ENTR1: variants seen among roughly 807,000 people sequenced by gnomAD.
The protein encoded by ENTR1 is endosome-associated-trafficking regulator 1.
Under a neutral mutation model 47.9 loss-of-function variants are expected in ENTR1, and 47 were observed. That is an observed-to-expected ratio of 0.98 (90% CI 0.78 to 1.25). The LOEUF (loss-of-function observed/expected upper bound fraction) is 1.25, where lower values mean the gene tolerates loss of function less well. Ranked by LOEUF, ENTR1 falls within the 50% of genes most tolerant of loss-of-function variation. The pLI, the probability that ENTR1 is intolerant of heterozygous loss-of-function variation, is 0.00. For synonymous variants in ENTR1, 290 were observed against 245.8 expected, an observed-to-expected ratio of 1.18 and a Z score of -1.68; for missense variants, 668 against 570.5, an observed-to-expected ratio of 1.17 and a Z score of -1.74.
intron 7 of ENTR1, 176 bp downstream of exon 7, chr9:136,404,915 C>T (rs1412740689): frequency 7.4e-6 from 5 of 671,954 alleles, no homozygotes; most frequent in Admixed American, 2.6e-5. Context: ...CGGATGCCCT[C>T]GTGGGCCAGC....
At chr9:136,404,539 A>T in intron 8 of ENTR1, 92 bp downstream of exon 8, 1 of 1,365,954 alleles carries the variant, frequency 7.3e-7, no homozygotes. Context: ...CTCAGGGGAA[A>T]CCCCAGCAGA....
At chr9:136,404,282 G>C in intron 8 of ENTR1, 88 bp from the exon 9 acceptor site, 2 of 1,513,966 alleles carry the variant, frequency 1.3e-6, no homozygotes, top group East Asian at 2.3e-5. Flanking sequence ...GCTTACCCGT[G>C]GGGGCCTGGC....
intron 7 of ENTR1, 162 bp from the exon 8 acceptor site, chr9:136,404,855 C>G: frequency 4.2e-6 from 3 of 716,238 alleles, no homozygotes; most frequent in South Asian, 3.5e-5. Flanking sequence ...CAGACCACCC[C>G]TGGGAAGGGC....
rs760167492 is a variant in ENTR1 at position 136,410,081 on chromosome 9, G to C, written c.220+9C>G. 2 of 1,612,414 alleles carry C rather than the reference G, an allele frequency of 1.2e-6. No individual in the cohort carries two copies. The highest frequency in any genetic ancestry group is 1.7e-6 in the Non-Finnish European group (2 of 1,179,892). ...AAGCGTCCCCGGGGCCGGCGCCCTC[G>C]TCTCTCACCTGTGTCTCCCACGGAA... is the stretch of plus-strand genomic sequence containing the variant. On this transcript the variant is annotated intron_variant, in intron 2 of 9. Coordinates refer to ENST00000357365, the MANE Select transcript of ENTR1 (RefSeq NM_001039707.2).
In ENTR1 at chr9:136,410,318, C is replaced by A. The variant is rs549374697; in HGVS notation, c.70+10G>T. 271 of 1,548,374 alleles carry A rather than the reference C, an allele frequency of 1.8e-4. 3 individuals carry two copies. In the South Asian group the frequency reaches 3.1e-3, roughly 18 times the overall value. On this transcript the variant is annotated intron_variant, in intron 1 of 9. Coordinates refer to ENST00000357365, the MANE Select transcript of ENTR1 (RefSeq NM_001039707.2). The stretch of plus-strand genomic sequence containing the variant: ...CCTGGACCGCTGGACTCGGCCCCTG[C>A]CCCGCTCACCGTCGGGAATGGCGAG...
Position 136,410,319 on chromosome 9 carries a change from C to T in ENTR1, c.70+9G>A. The T allele has an allele frequency of 4.5e-6, 7 of 1,548,452 alleles. No individual in the cohort carries two copies. Among genetic ancestry groups the T allele is most frequent in the South Asian group, 1.2e-5 (1 of 83,994 alleles). On this transcript the variant is annotated intron_variant, in intron 1 of 9. Coordinates refer to ENST00000357365, the MANE Select transcript of ENTR1 (RefSeq NM_001039707.2). ...CTGGACCGCTGGACTCGGCCCCTGC[C>T]CCGCTCACCGTCGGGAATGGCGAGG... is the stretch of plus-strand genomic sequence containing the variant.
chr9:136,401,984 G>A lies in ENTR1; in HGVS notation c.*804C>T, dbSNP rs1834508815. The A allele has an allele frequency of 6.6e-6, 1 of 152,444 alleles. No individual in the cohort carries two copies. Among genetic ancestry groups the A allele is most frequent in the East Asian group, 1.9e-4 (1 of 5,284 alleles). The allele number at this position is 152,444 out of a possible 1,614,324, so 9.4% of individuals were successfully genotyped here. On this transcript the variant is annotated 3_prime_UTR_variant, in exon 10 of 10. Transcript: ENST00000357365. ...TCAATTGGAACAGGAGGAAAAAAAA[G>A]TTTTAAAAAAAATCTATAGGAAAAT...
intron 8 of ENTR1, 133 bp from the exon 9 acceptor site, chr9:136,404,327 C>A (rs1238792200): frequency 4.0e-6 from 5 of 1,246,356 alleles, no homozygotes; most frequent in Non-Finnish European, 4.5e-6. Context: ...ACTGGGGGCT[C>A]GCCTCTGGGA....
At chr9:136,403,440 T>C (rs13300907) in intron 9 of ENTR1, among the ~76,000 whole-genome samples, 2 of 24,962 alleles carry the variant, frequency 8.0e-5, no homozygotes, top group Non-Finnish European at 1.4e-4. Context: ...ACAGGGTTCC[T>C]GGGAGCAAGG....
chr9:136,407,777 G>T, intron 4 of ENTR1, 49 bp downstream of exon 4: 2 of 1,475,610 alleles, frequency 1.4e-6, no homozygotes, highest in Non-Finnish European at 9.5e-7. Context: ...TGCAGAGGCC[G>T]GAACAGAAAC....
chr9:136,405,091 G>A lies in ENTR1; in HGVS notation c.1005C>T (p.Thr335=), dbSNP rs200389785. The stretch of plus-strand genomic sequence containing the variant: ...TCCGATTCAGAGAAGAAACCCATAC[G>A]GTCATCAGCTCCAGGTTCTGCTCCA... ...QQVEQNLELM[T]KRAVKAENHV... Residue 335 remains threonine, a splice_region_variant and synonymous_variant, in exon 7 of 10, where the codon ACC becomes ACT. Transcript: ENST00000357365. 3.9e-5 allele frequency: 63 copies of A among 1,611,166 alleles called. No individual in the cohort carries two copies. The African/African-American group carries it at 7.7e-4, about 20-fold the overall frequency.
In ENTR1 at chr9:136,410,119, C is replaced by A. The variant is rs201632562; in HGVS notation, c.191G>T (p.Ser64Ile). The A allele has an allele frequency of 6.2e-7, 1 of 1,612,878 alleles. No homozygotes were observed. Among genetic ancestry groups the A allele is most frequent in the Admixed American group, 1.7e-5 (1 of 60,016 alleles). ...GTCTCCCACGGAAGCCAGCACCGGG[C>A]TGGGCACATAGCACATAAAGGCCGG... ...IRPAFMCYVP[S>I]PVLASVGDTD... The change falls in exon 2 of 10, where the codon AGC becomes ATC. Residue 64 changes from serine to isoleucine, a missense_variant. Physicochemically the swap from Ser to Ile is moderately radical, Grantham distance 142. Coordinates refer to ENST00000357365, the MANE Select transcript of ENTR1 (RefSeq NM_001039707.2).
intron 2 of ENTR1, 148 bp downstream of exon 2, chr9:136,409,942 G>T (rs752436680): frequency 3.2e-6 from 3 of 951,320 alleles, no homozygotes; most frequent in South Asian, 1.4e-5. Context: ...TCCTAGCAGG[G>T]GACTCCGCCT....
intron 6 of ENTR1, 51 bp from the exon 7 acceptor site, chr9:136,405,253 G>GA (rs1275792090): frequency 7.0e-7 from 1 of 1,436,402 alleles, no homozygotes; most frequent in Admixed American, 1.7e-5. Context: ...CTTTTAAGAG[G>GA]ACTACAAAAA....
chr9:136,404,900 C>G, intron 7 of ENTR1, 191 bp downstream of exon 7: 1 of 667,562 alleles, frequency 1.5e-6, no homozygotes. Context: ...GCCCCCCACT[C>G]CCCACGGATG....
In ENTR1 at chr9:136,410,370, C is replaced by A; in HGVS notation, c.28G>T (p.Ala10Ser). The A allele has an allele frequency of 2.1e-6, 3 of 1,463,164 alleles. No homozygotes were observed. Among genetic ancestry groups the A allele is most frequent in the Non-Finnish European group, 1.8e-6 (2 of 1,113,994 alleles). 90.6% of individuals were successfully genotyped at this position (1,463,164 alleles called of 1,614,324 possible). A position where few individuals can be genotyped will look rare whatever the true frequency, so the allele number is the denominator to read the frequency against. Residue 10 changes from alanine to serine, a missense_variant, in exon 1 of 10, where the codon GCC (alanine) becomes TCC (serine). Transcript: ENST00000357365. ...CTCCGGGCTCGGGACAGCGGGGTGG[C>A]GCCCGGGCGGCGCTGGTAGCCCGAC... MSGYQRRPG[A>S]TPLSRARSLA...
chr9:136,409,259 C>CA (rs1834950002), intron 2 of ENTR1, among the ~76,000 whole-genome samples, 192 bp from the exon 3 acceptor site: 2 of 151,874 alleles, frequency 1.3e-5, no homozygotes, highest in African/African-American at 4.8e-5. Flanking sequence ...CGGCTCCCTG[C>CA]AAGCTCCGCC....
chr9:136,405,220 C>T lies in ENTR1; in HGVS notation c.894-18G>A, dbSNP rs751382807. ...TCCTCACCCTTGTTAAAGAAAAACC[C>T]GAGTTGTTAATTTCTGTGGCTACTT... is the stretch of plus-strand genomic sequence containing the variant. On this transcript the variant is annotated intron_variant, in intron 6 of 9. Transcript: ENST00000357365. 7.5e-6 allele frequency: 12 copies of T among 1,596,428 alleles called. No homozygotes were observed. The highest frequency in any genetic ancestry group is 5.5e-5 in the South Asian group (5 of 90,724).
chr9:136,410,583 C>T lies in ENTR1; in HGVS notation c.-186G>A, dbSNP rs1451625686. 5.0e-6 allele frequency: 6 copies of T among 1,205,738 alleles called. No individual in the cohort carries two copies. The highest frequency in any genetic ancestry group is 3.1e-5 in the African/African-American group (2 of 64,850). The allele number at this position is 1,205,738 out of a possible 1,614,324, so 74.7% of individuals were successfully genotyped here. On this transcript the variant is annotated 5_prime_UTR_variant, in exon 1 of 10. Transcript: ENST00000357365. ...CCGCTCCGAGCACCGAAAGCGCGTG[C>T]CTGAACGCCTTGGGCCGTCGGCGAG...
Sources: allele counts gnomAD v4.1 joint callset (sites outside exome capture counted in the v4.1 genomes callset), GRCh38; gene constraint gnomAD v4.1.1; transcripts MANE v1.5; gene names NCBI Gene and HGNC (gene_info 2026-07-23, HGNC 2026-07-21).